UBTD1: variants seen among roughly 807,000 people sequenced by gnomAD.
UBTD1 encodes the protein ubiquitin domain containing 1, also known as ubiquitin domain-containing protein 1.
In UBTD1, 19 loss-of-function variants were observed where a neutral mutation model predicts 21.7. The ratio of observed to expected loss-of-function variants is 0.87; its 90% CI spans 0.61 to 1.28. The LOEUF (loss-of-function observed/expected upper bound fraction) is 1.28, where lower values mean the gene tolerates loss of function less well. Among genes scored for constraint, UBTD1 ranks in the 50% most tolerant of loss-of-function variants. The pLI is 0.00. For missense variants in UBTD1, 282 were observed against 315.1 expected, an observed-to-expected ratio of 0.89 and a Z score of 0.80; for synonymous variants, 116 against 135.1, an observed-to-expected ratio of 0.86 and a Z score of 0.98.
intron 1 of UBTD1, among the ~76,000 whole-genome samples, chr10:97,502,452 A>G (rs932018857): frequency 1.3e-5 from 2 of 152,160 alleles, no homozygotes; most frequent in African/African-American, 4.8e-5. Flanking sequence ...TTCCTTTGGC[A>G]CTAATGTAAT....
At chr10:97,506,116 C>G (rs1427068920) in intron 1 of UBTD1, among the ~76,000 whole-genome samples, 1 of 152,146 alleles carries the variant, frequency 6.6e-6, no homozygotes, top group Admixed American at 6.5e-5. Flanking sequence ...AAAGTGTTAC[C>G]TCCCAAAGAA....
At chr10:97,556,576 A>G (rs1420491485) in intron 1 of UBTD1, among the ~76,000 whole-genome samples, 1 of 152,222 alleles carries the variant, frequency 6.6e-6, no homozygotes, top group African/African-American at 2.4e-5. Flanking sequence ...ATAGTATTAT[A>G]TGATTTTTTC....
chr10:97,545,431 GGTGT>G (rs10609684), intron 1 of UBTD1, among the ~76,000 whole-genome samples: 79 of 148,666 alleles, frequency 5.3e-4, no homozygotes, highest in Non-Finnish European at 2.8e-4. Context: ...TGTGTGTGTG[GGTGT>G]GTGTGTGTGT....
At chr10:97,560,777 T>C (rs1271254836) in intron 1 of UBTD1, among the ~76,000 whole-genome samples, 2 of 152,108 alleles carry the variant, frequency 1.3e-5, no homozygotes, top group Non-Finnish European at 2.9e-5. Context: ...TGGGCTTATT[T>C]GTGCCTGGCC....
At chr10:97,532,903 C>T (rs184056644) in intron 1 of UBTD1, among the ~76,000 whole-genome samples, 119 of 152,326 alleles carry the variant, frequency 7.8e-4, no homozygotes, top group African/African-American at 2.8e-3. Context: ...TGTCTCGGGC[C>T]CCTACCAAGG....
chr10:97,509,430 C>T (rs1290881761), intron 1 of UBTD1, among the ~76,000 whole-genome samples: 4 of 152,308 alleles, frequency 2.6e-5, no homozygotes, highest in East Asian at 1.9e-4. Flanking sequence ...ACACACAGCA[C>T]GGCGCCCACA....
intron 1 of UBTD1, among the ~76,000 whole-genome samples, chr10:97,529,843 G>C (rs961621286): frequency 4.6e-5 from 7 of 152,116 alleles, no homozygotes; most frequent in Admixed American, 2.0e-4. Context: ...CTCCTGCCTC[G>C]TGTGATCTAC....
intron 1 of UBTD1, among the ~76,000 whole-genome samples, chr10:97,509,956 CT>C (rs112366543): frequency 6.6e-4 from 88 of 132,526 alleles, no homozygotes; most frequent in Non-Finnish European, 8.1e-4. Flanking sequence ...TGTGCCTGGC[CT>C]TTTTTTTTTT....
intron 1 of UBTD1, among the ~76,000 whole-genome samples, chr10:97,519,163 T>C (rs1016053740): frequency 2.0e-4 from 30 of 152,236 alleles, no homozygotes. Context: ...AATAACGTGC[T>C]CAAAGGAGAC....
At chr10:97,539,525 G>A (rs1399310142) in intron 1 of UBTD1, among the ~76,000 whole-genome samples, 1 of 152,078 alleles carries the variant, frequency 6.6e-6, no homozygotes, top group South Asian at 2.1e-4. Context: ...AGCCCAGGAG[G>A]TGGAGGCTGC....
At chr10:97,563,742 T>C (rs1448849735) in intron 1 of UBTD1, among the ~76,000 whole-genome samples, 2 of 151,758 alleles carry the variant, frequency 1.3e-5, no homozygotes, top group Admixed American at 6.6e-5. Flanking sequence ...GTGAATGGGG[T>C]ATGACTAGAC....
chr10:97,543,032 G>A (rs915498176), intron 1 of UBTD1, among the ~76,000 whole-genome samples: 3 of 152,240 alleles, frequency 2.0e-5, no homozygotes, highest in Admixed American at 6.5e-5. Context: ...CAGGGAGCAG[G>A]CTCCAGGAAC....
Position 97,521,808 on chromosome 10 carries a change from T to C in UBTD1, c.70+22535T>C, listed in dbSNP as rs572091074. On this transcript the variant is annotated intron_variant, in intron 1 of 2. Transcript: ENST00000370664. ...ACACCCACCTGGCCAGGCTCTGGCA[T>C]GGAGGCTGGCACTAGAATGGGCTTC... Among the ~76,000 whole-genome samples the C allele has an allele frequency of 2.6e-5, 4 of 152,334 alleles. No individual in the cohort carries two copies. The East Asian group carries it at 7.7e-4, about 29-fold the overall frequency.
chr10:97,552,320 G>C (rs2040642089), intron 1 of UBTD1, among the ~76,000 whole-genome samples: 1 of 151,610 alleles, frequency 6.6e-6, no homozygotes, highest in African/African-American at 2.4e-5. Context: ...GCTGCAGTGA[G>C]CTATGATCAC....
chr10:97,570,291 T>C lies in UBTD1; in HGVS notation c.452T>C (p.Leu151Pro). 6.2e-7 allele frequency: 1 copy of C among 1,613,230 alleles called. No homozygotes were observed. Among genetic ancestry groups the C allele is most frequent in the Non-Finnish European group, 8.5e-7 (1 of 1,179,976 alleles). Residue 151 changes from leucine to proline, a missense_variant, in exon 3 of 3, where the codon CTG becomes CCG. Leu to Pro is a moderately conservative substitution (Grantham distance 98). Coordinates refer to ENST00000370664, the MANE Select transcript of UBTD1 (RefSeq NM_024954.5). The surrounding 1 kb of genome is among the most constrained non-coding windows in gnomAD (Gnocchi z 6.6). ...CCCAGCGTGCGCCGTGAGTTCCCGC[T>C]GAAGGTGCGCCTGTCCACGGGCAAG... ...PPPSVRREFP[L>P]KVRLSTGKDV...
At chr10:97,540,611 A>G (rs2040582959) in intron 1 of UBTD1, among the ~76,000 whole-genome samples, 1 of 152,226 alleles carries the variant, frequency 6.6e-6, no homozygotes, top group African/African-American at 2.4e-5. Context: ...CCCATTTTCT[A>G]GATACGGAAA....
At chr10:97,567,538 A>C (rs1589885605) in intron 1 of UBTD1, among the ~76,000 whole-genome samples, 2 of 151,930 alleles carry the variant, frequency 1.3e-5, no homozygotes, top group East Asian at 3.9e-4. Flanking sequence ...GGGCGCCTGT[A>C]ATCCCAGCTA....
intron 1 of UBTD1, among the ~76,000 whole-genome samples, chr10:97,535,969 A>ATTATTATTATTATTATTATTGTTATTG (rs1288214729): frequency 4.1e-5 from 2 of 48,676 alleles, no homozygotes; most frequent in African/African-American, 1.8e-4. Flanking sequence ...TTGGAGAGAA[A>ATTATTATTATTATTATTATTGTTATTG]TTATTATTAT....
In UBTD1 at chr10:97,570,356, C is replaced by T; in HGVS notation, c.517C>T (p.Gln173Ter). 6.2e-7 allele frequency: 1 copy of T among 1,613,340 alleles called. No individual in the cohort carries two copies. Among genetic ancestry groups the T allele is most frequent in the Non-Finnish European group, 8.5e-7 (1 of 1,179,974 alleles). ...CGCCAGCCTGCCCGACACAGTGGGG[C>T]AGCTCAAGAGGCAGCTGCACGCCCA... ...LSASLPDTVG[Q>*]LKRQLHAQEG... Residue 173 changes from glutamine (Q) to a stop codon, truncating the protein, a stop_gained, in exon 3 of 3, where the codon CAG becomes TAG. Coordinates refer to ENST00000370664, the MANE Select transcript of UBTD1 (RefSeq NM_024954.5). LOFTEE classifies it high-confidence loss of function. This position sits in a 1 kb window ranked among gnomAD's most constrained non-coding sequence, Gnocchi z 6.6.
Sources: gnomAD v4.1 joint callset for allele counts (sites outside exome capture counted in the v4.1 genomes callset) on GRCh38, gnomAD v4.1.1 for gene constraint, Gnocchi (gnomAD v3.1) non-coding constraint, MANE v1.5 for transcripts, NCBI Gene and HGNC (gene_info 2026-07-23, HGNC 2026-07-21) for gene names.